EYS: variants seen among roughly 807,000 people sequenced by gnomAD.
EYS encodes protein eyes shut homolog.
In EYS, 250 loss-of-function variants were observed where a neutral mutation model predicts 282.1. That is an observed-to-expected ratio of 0.89 (90% CI 0.80 to 0.98). EYS has a LOEUF of 0.98. Among genes scored for constraint, EYS ranks in the 50% least tolerant of loss-of-function variants. The pLI is 0.00. For missense variants in EYS, 4,016 were observed against 3,709.0 expected, an observed-to-expected ratio of 1.08 and a Z score of -2.15; for synonymous variants, 1,355 against 1,282.9, an observed-to-expected ratio of 1.06 and a Z score of -1.20.
intron 8 of EYS, among the ~76,000 whole-genome samples, chr6:65,374,713 G>A (rs886984643): frequency 6.6e-6 from 1 of 152,014 alleles, no homozygotes; most frequent in Admixed American, 6.6e-5. Flanking sequence ...AAACTTGGTG[G>A]GGATGGGGTA....
intron 12 of EYS, among the ~76,000 whole-genome samples, chr6:65,207,777 A>G (rs1157506415): frequency 6.6e-6 from 1 of 151,806 alleles, no homozygotes; most frequent in African/African-American, 2.4e-5. Context: ...ACAATAGGGA[A>G]AGGACTCCCC....
chr6:65,684,802 G>C (rs959390585), intron 1 of EYS, among the ~76,000 whole-genome samples: 1 of 152,046 alleles, frequency 6.6e-6, no homozygotes, highest in Non-Finnish European at 1.5e-5. Flanking sequence ...CATCACCCAA[G>C]TAATAAGCAT....
At chr6:65,237,384 G>C (rs1182075266) in intron 12 of EYS, among the ~76,000 whole-genome samples, 2 of 152,110 alleles carry the variant, frequency 1.3e-5, no homozygotes, top group East Asian at 1.9e-4. Context: ...CTAGAGACTT[G>C]AATAGTATAG....
Position 65,002,015 on chromosome 6 carries a change from A to G in EYS, c.2138-4312T>C, listed in dbSNP as rs753007862. Among the ~76,000 whole-genome samples the G allele has an allele frequency of 4.9e-5, 7 of 143,692 alleles. 1 individual carries two copies. The highest frequency in any genetic ancestry group is 1.1e-4 in the Non-Finnish European group (7 of 64,622). 94.3% of individuals were successfully genotyped at this position (143,692 alleles called of 152,430 possible). A position where few individuals can be genotyped will look rare whatever the true frequency, so the allele number is the denominator to read the frequency against. On this transcript the variant is annotated intron_variant, in intron 13 of 42. Transcript: ENST00000503581. ...AATTGCATTTTCATATCTTAGAAAA[A>G]ATCATATATTAAAATATTTATGAAG...
chr6:64,030,842 G>A (rs187910018), intron 33 of EYS, among the ~76,000 whole-genome samples: 8 of 152,308 alleles, frequency 5.3e-5, no homozygotes, highest in South Asian at 2.1e-4. Flanking sequence ...GGACCAACGC[G>A]CTGGCACTTT....
chr6:64,693,722 G>A (rs563647687), intron 22 of EYS, among the ~76,000 whole-genome samples: 1 of 152,006 alleles, frequency 6.6e-6, no homozygotes, highest in African/African-American at 2.4e-5. Context: ...AACGTTCTTA[G>A]GTCACAAATA....
At chr6:64,479,778 G>C (rs1049752363) in intron 26 of EYS, among the ~76,000 whole-genome samples, 7 of 152,030 alleles carry the variant, frequency 4.6e-5, no homozygotes, top group South Asian at 2.1e-4. Context: ...GATAGGCTAG[G>C]TTAAACTGGA....
chr6:63,877,568 C>G (rs879341812), intron 35 of EYS, among the ~76,000 whole-genome samples: 4 of 152,186 alleles, frequency 2.6e-5, no homozygotes, highest in Non-Finnish European at 5.9e-5. Context: ...AGAGTGTTTT[C>G]CAACTTGGTT....
chr6:65,327,708 C>T (rs969538301), intron 11 of EYS, among the ~76,000 whole-genome samples: 3 of 151,330 alleles, frequency 2.0e-5, no homozygotes, highest in Non-Finnish European at 3.0e-5. Flanking sequence ...GTATAAGAGA[C>T]CACTAATTTA....
At chr6:64,993,076 T>C (rs1164032739) in intron 14 of EYS, among the ~76,000 whole-genome samples, 1 of 152,076 alleles carries the variant, frequency 6.6e-6, no homozygotes, top group Non-Finnish European at 1.5e-5. Context: ...AGGCATTTTA[T>C]TAGGAGCCAA....
At chr6:63,759,743 C>A (rs1216398334) in intron 41 of EYS, among the ~76,000 whole-genome samples, 1 of 152,000 alleles carries the variant, frequency 6.6e-6, no homozygotes, top group South Asian at 2.1e-4. Context: ...GCCAAATACA[C>A]CTGAAAAACA....
chr6:64,887,648 A>G (rs1767140497), intron 18 of EYS, among the ~76,000 whole-genome samples: 1 of 152,034 alleles, frequency 6.6e-6, no homozygotes, highest in Admixed American at 6.6e-5. Context: ...TTTTATAACC[A>G]CAGAAGTCTA....
At chr6:63,766,039 T>G (rs1290784019) in intron 40 of EYS, among the ~76,000 whole-genome samples, 1 of 152,062 alleles carries the variant, frequency 6.6e-6, no homozygotes, top group African/African-American at 2.4e-5. Flanking sequence ...CAATAAGCTC[T>G]CTGGTGACGT....
intron 31 of EYS, among the ~76,000 whole-genome samples, chr6:64,121,693 T>C (rs1582299839): frequency 6.6e-6 from 1 of 152,238 alleles, no homozygotes; most frequent in Non-Finnish European, 1.5e-5. Context: ...TCTAATTTTA[T>C]GACCTAGCTT....
chr6:65,398,341 T>C, intron 7 of EYS, among the ~76,000 whole-genome samples: 1 of 152,012 alleles, frequency 6.6e-6, no homozygotes, highest in East Asian at 1.9e-4. Context: ...CAAATTGATC[T>C]TTGAAAAAGT....
At chr6:65,288,475 A>G (rs959695717) in intron 12 of EYS, among the ~76,000 whole-genome samples, 18 of 150,664 alleles carry the variant, frequency 1.2e-4, no homozygotes, top group African/African-American at 4.4e-4. Flanking sequence ...GTTCATAGAT[A>G]CAAGCACACA....
At chr6:65,524,467 T>C (rs1160024668) in intron 2 of EYS, among the ~76,000 whole-genome samples, 1 of 152,184 alleles carries the variant, frequency 6.6e-6, no homozygotes, top group Non-Finnish European at 1.5e-5. Flanking sequence ...CTCTAAATGT[T>C]GGACCGTGAA....
At chr6:64,125,879 C>T (rs1773767582) in intron 31 of EYS, among the ~76,000 whole-genome samples, 1 of 149,362 alleles carries the variant, frequency 6.7e-6, no homozygotes, top group African/African-American at 2.5e-5. Flanking sequence ...TAAATTGTAT[C>T]AGCCCATTGG....
intron 35 of EYS, among the ~76,000 whole-genome samples, chr6:63,881,849 GA>G (rs1251288828): frequency 2.0e-5 from 3 of 152,058 alleles, no homozygotes; most frequent in East Asian, 1.9e-4. Context: ...ATAGAAACAA[GA>G]AAAAAATGCA....
Sources: allele counts gnomAD v4.1 joint callset (sites outside exome capture counted in the v4.1 genomes callset), GRCh38; gene constraint gnomAD v4.1.1; transcripts MANE v1.5; gene names NCBI Gene and HGNC (gene_info 2026-07-23, HGNC 2026-07-21).